Variants in MCTP1 observed in about 807,000 individuals in gnomAD.
MCTP1 encodes the protein multiple C2 and transmembrane domain containing 1, also known as multiple C2 and transmembrane domain-containing protein 1.
MCTP1 carries 69 observed loss-of-function variants against 120.6 expected under a neutral mutation model. The ratio of observed to expected loss-of-function variants is 0.57; its 90% CI spans 0.47 to 0.70. The LOEUF (loss-of-function observed/expected upper bound fraction) is 0.70, where lower values mean the gene tolerates loss of function less well. Among genes scored for constraint, MCTP1 ranks in the 30% least tolerant of loss-of-function variants. MCTP1 has a pLI of 0.00. For missense variants in MCTP1, 1,203 were observed against 1,248.8 expected, an observed-to-expected ratio of 0.96 and a Z score of 0.55; for synonymous variants, 529 against 493.1, an observed-to-expected ratio of 1.07 and a Z score of -0.96.
intron 1 of MCTP1, among the ~76,000 whole-genome samples, chr5:95,046,442 G>A (rs1843159570): frequency 6.6e-6 from 1 of 152,136 alleles, no homozygotes; most frequent in Admixed American, 6.5e-5. Flanking sequence ...TTATTTGGAT[G>A]TTACTTCATT....
intron 1 of MCTP1, among the ~76,000 whole-genome samples, chr5:95,107,296 C>T (rs1283066625): frequency 6.6e-6 from 1 of 152,114 alleles, no homozygotes; most frequent in African/African-American, 2.4e-5. Flanking sequence ...GAATCGGGTA[C>T]TCTGGGGGAC....
intron 1 of MCTP1, among the ~76,000 whole-genome samples, chr5:95,255,290 A>G (rs1488059145): frequency 6.6e-6 from 1 of 152,214 alleles, no homozygotes; most frequent in Non-Finnish European, 1.5e-5. Flanking sequence ...TGCCTGACAC[A>G]CAGCCTGTTT....
At chr5:95,120,934 C>A (rs374025855) in intron 1 of MCTP1, among the ~76,000 whole-genome samples, 411 of 152,184 alleles carry the variant, frequency 2.7e-3, no homozygotes, top group African/African-American at 9.2e-3. Context: ...TTTGGAAAAA[C>A]CTAAAGACTT....
chr5:94,785,317 G>C (rs953899320), intron 18 of MCTP1, among the ~76,000 whole-genome samples: 15 of 151,950 alleles, frequency 9.9e-5, no homozygotes, highest in Non-Finnish European at 1.5e-5. Context: ...TCCATCTAAA[G>C]GCTTTACAAT....
intron 1 of MCTP1, among the ~76,000 whole-genome samples, chr5:95,228,488 G>GAGAA (rs1754546199): frequency 6.7e-6 from 1 of 148,480 alleles, no homozygotes; most frequent in Non-Finnish European, 1.5e-5. Flanking sequence ...GAGAGAGAGA[G>GAGAA]AGAGCGAGAC....
In MCTP1 at chr5:94,909,310, T is replaced by G. The variant is rs372631155; in HGVS notation, c.1593A>C (p.Gly531=). 11 of 1,609,314 alleles carry G rather than the reference T, an allele frequency of 6.8e-6. No individual in the cohort carries two copies. Among genetic ancestry groups the G allele is most frequent in the Non-Finnish European group, 8.5e-6 (10 of 1,178,042 alleles). The change falls in exon 10 of 23, where the codon GGA becomes GGC. Residue 531 remains glycine, a synonymous_variant. Coordinates refer to ENST00000515393, the MANE Select transcript of MCTP1 (RefSeq NM_024717.7). ...FDFHLYEERG[G]VIDITAWDKD... ...TGTCCCATGCAGTGATATCAATGAC[T>G]CCTCCTCTTTCTTCATAAAGGTGAA...
At chr5:94,739,474 C>T (rs1765012539) in intron 19 of MCTP1, 1 of 152,064 alleles carries the variant, frequency 6.6e-6, no homozygotes, top group African/African-American at 2.4e-5. Flanking sequence ...ATTGAACTTC[C>T]CTACACAAGG....
chr5:94,978,274 C>G (rs1259771768), intron 2 of MCTP1, among the ~76,000 whole-genome samples: 1 of 151,910 alleles, frequency 6.6e-6, no homozygotes, highest in African/African-American at 2.4e-5. Flanking sequence ...GGTGCAGTTA[C>G]TGTGGAAAAC....
rs1366179630 is a variant in MCTP1, at chr5:95,096,622, T to C, written c.721-79138A>G. Among the ~76,000 whole-genome samples, 3 of 152,050 alleles carry C rather than the reference T, an allele frequency of 2.0e-5. No individual in the cohort carries two copies. The East Asian group carries it at 5.8e-4, about 29-fold the overall frequency. On this transcript the variant is annotated intron_variant, in intron 1 of 22. Coordinates refer to ENST00000515393, the MANE Select transcript of MCTP1 (RefSeq NM_024717.7). ...TGGGTCTGTTTGAAAAGATGTGCCA[T>C]AAATGGAAGAAGCTCTAATTCGTGC...
At chr5:94,891,031 C>T (rs469844) in intron 11 of MCTP1, among the ~76,000 whole-genome samples, 36,042 of 152,090 alleles carry the variant, frequency 0.24, 4,557 homozygotes, top group Middle Eastern at 0.34. Flanking sequence ...CAAGCAAAAG[C>T]TTACTGCAAT....
chr5:94,763,733 A>G (rs993963938), intron 19 of MCTP1, among the ~76,000 whole-genome samples: 7 of 152,232 alleles, frequency 4.6e-5, no homozygotes, highest in African/African-American at 1.7e-4. Flanking sequence ...TCAATGAGAA[A>G]GACATAATAG....
intron 2 of MCTP1, among the ~76,000 whole-genome samples, chr5:95,009,372 AG>A (rs1371306770): frequency 2.6e-5 from 4 of 152,248 alleles, no homozygotes; most frequent in Middle Eastern, 3.4e-3. Flanking sequence ...AAAATCTGAT[AG>A]ATTATAATAT....
intron 1 of MCTP1, among the ~76,000 whole-genome samples, chr5:95,046,915 G>A (rs929145064): frequency 2.0e-5 from 3 of 152,080 alleles, no homozygotes; most frequent in African/African-American, 7.2e-5. Context: ...GAAAGACTAC[G>A]TTCATGTTAA....
At chr5:95,233,886 A>G (rs975036452) in intron 1 of MCTP1, among the ~76,000 whole-genome samples, 12 of 152,146 alleles carry the variant, frequency 7.9e-5, no homozygotes, top group Middle Eastern at 3.2e-3. Context: ...GGAAACAGCA[A>G]AGAGAAGATG....
At chr5:94,966,935 T>G (rs1426066634) in intron 2 of MCTP1, among the ~76,000 whole-genome samples, 2 of 152,222 alleles carry the variant, frequency 1.3e-5, no homozygotes, top group Non-Finnish European at 2.9e-5. Context: ...CAATGATCTA[T>G]TTCTTTGTTC....
intron 11 of MCTP1, 24 bp from the exon 12 acceptor site, chr5:94,888,996 T>C: frequency 6.6e-7 from 1 of 1,517,004 alleles, no homozygotes; most frequent in East Asian, 2.3e-5. Context: ...ACATCAGTAT[T>C]AGAAAAGGGA....
At chr5:95,013,274 C>T (rs138691864) in intron 2 of MCTP1, among the ~76,000 whole-genome samples, 1 of 152,232 alleles carries the variant, frequency 6.6e-6, no homozygotes, top group East Asian at 1.9e-4. Flanking sequence ...GAAGCCATCT[C>T]TATGACATGA....
intron 6 of MCTP1, among the ~76,000 whole-genome samples, chr5:94,930,235 A>T (rs13175233): frequency 0.056 from 6,381 of 114,106 alleles, 187 homozygotes; most frequent in Middle Eastern, 0.12. Flanking sequence ...ATTTACATTT[A>T]AATATACATT....
chr5:94,816,971 G>A (rs978446646), intron 17 of MCTP1, among the ~76,000 whole-genome samples: 1 of 152,120 alleles, frequency 6.6e-6, no homozygotes, highest in Non-Finnish European at 1.5e-5. Context: ...TTTAGACTGT[G>A]TTAGAGATAA....
Sources: allele counts gnomAD v4.1 joint callset (sites outside exome capture counted in the v4.1 genomes callset), GRCh38; gene constraint gnomAD v4.1.1; transcripts MANE v1.5; gene names NCBI Gene and HGNC (gene_info 2026-07-23, HGNC 2026-07-21).